MXRA5: variants seen among roughly 807,000 people sequenced by gnomAD.
MXRA5 encodes matrix-remodeling-associated protein 5.
In MXRA5, 41 loss-of-function variants were observed where a neutral mutation model predicts 112.5. The ratio of observed to expected loss-of-function variants is 0.36; its 90% confidence interval spans 0.28 to 0.47. MXRA5 has a LOEUF of 0.47. Ranked by LOEUF, MXRA5 falls within the 20% of genes least tolerant of loss-of-function variation. The pLI, the probability that MXRA5 is intolerant of heterozygous loss-of-function variation, is 0.99. For missense variants in MXRA5, 2,150 were observed against 2,251.0 expected, an observed-to-expected ratio of 0.96 and a Z score of 0.91; for synonymous variants, 862 against 900.8, an observed-to-expected ratio of 0.96 and a Z score of 0.77.
At chrX:3,340,560 C>T (rs1402726926) in intron 2 of MXRA5, among the ~76,000 whole-genome samples, 6 of 110,973 alleles carry the variant, frequency 5.4e-5, no homozygotes, top group Admixed American at 9.8e-5. Flanking sequence ...AGAAAACTAT[C>T]TCTAGATATT....
At chrX:3,311,729 A>C (rs1331057155) in intron 6 of MXRA5, 105 bp from the exon 7 acceptor site, 3 of 652,666 alleles carry the variant, frequency 4.6e-6, no homozygotes, top group African/African-American at 4.4e-5. Context: ...GTGATGCATC[A>C]GCTCAGGTGG....
intron 2 of MXRA5, among the ~76,000 whole-genome samples, chrX:3,341,016 T>C (rs1238754132): frequency 1.3e-5 from 1 of 78,353 alleles, no homozygotes; most frequent in Non-Finnish European, 2.4e-5. Context: ...ATATTATACA[T>C]GATATATATA....
At position 3,330,203 on chromosome X, in the gene MXRA5, G is replaced by A. The variant is rs780050697; in HGVS notation, c.524C>T (p.Thr175Ile). ...GGAGAGTCTGAAATAATCCAAAAAT[G>A]TGAACGTGGAGAAGGTGCTGGGGTG... ...QLHPSTFSTF[T>I]FLDYFRLSTI... Residue 175 changes from threonine to isoleucine, a missense_variant, in exon 4 of 7, where the codon ACA (threonine) becomes ATA (isoleucine). By Grantham distance (89) the Thr-to-Ile change is moderately conservative. Around this residue, in one of 6 missense-constraint regions of MXRA5, gnomAD observed 386 missense variants for 411.0 expected, o/e 0.94. Transcript: ENST00000217939. The A allele has an allele frequency of 8.3e-7, 1 of 1,208,033 alleles. No homozygotes were observed. The highest frequency in any genetic ancestry group is 1.8e-5 in the South Asian group (1 of 56,349).
chrX:3,321,519 C>G lies in MXRA5; in HGVS notation c.4166G>C (p.Gly1389Ala), dbSNP rs754739247. The G allele has an allele frequency of 9.1e-6, 11 of 1,208,265 alleles. No homozygotes were observed. The East Asian group carries it at 3.0e-4, about 33-fold the overall frequency. Reference sequence around the variant, plus strand: ...AACAGGTATGCCTGTCTGTAGCCTCCCAGGCTGGGCCGTCCTTGAGGGATT... The same window carrying G: ...AACAGGTATGCCTGTCTGTAGCCTCGCAGGCTGGGCCGTCCTTGAGGGATT... ...TWNPSRTAQP[G>A]RLQTGIPVTT... The change falls in exon 5 of 7, where the codon GGG becomes GCG. Residue 1389 changes from glycine (G) to alanine (A), a missense_variant. Transcript: ENST00000217939.
chrX:3,331,026 C>A (rs1234149334), intron 2 of MXRA5, among the ~76,000 whole-genome samples: 1 of 111,253 alleles, frequency 9.0e-6, no homozygotes, highest in Non-Finnish European at 1.9e-5. Context: ...CATCAGCCTC[C>A]CAAGTAGCTG....
Position 3,318,006 on chromosome X carries a change from G to A in MXRA5, c.5678-3C>T, listed in dbSNP as rs1432279448. On this transcript the variant is annotated splice_region_variant and splice_polypyrimidine_tract_variant and intron_variant, in intron 5 of 6. Transcript: ENST00000217939. ...GGTATTCGGAGTCATAAGAGCTCCT[G>A]GAGAAAATTAACACAGTCAGCTTTG... 4 of 1,180,733 alleles carry A rather than the reference G, an allele frequency of 3.4e-6. No individual in the cohort carries two copies. In the Admixed American group the frequency reaches 6.9e-5, roughly 20 times the overall value.
intron 4 of MXRA5, among the ~76,000 whole-genome samples, chrX:3,328,944 G>A (rs1356832896): frequency 9.9e-6 from 1 of 101,238 alleles, no homozygotes; most frequent in African/African-American, 3.6e-5. Context: ...GAAGGAGCGA[G>A]GGAGGGAAGG....
Position 3,324,353 on chromosome X carries a change from A to C in MXRA5, c.1332T>G (p.Arg444=). The C allele has an allele frequency of 8.3e-7, 1 of 1,211,267 alleles. No individual in the cohort carries two copies. Among genetic ancestry groups the C allele is most frequent in the Non-Finnish European group, 1.1e-6 (1 of 895,439 alleles). ...QPSIDIQLNR[R]QSTAKKVLLS... ...GTAGCACCTTCTTGGCCGTACTCTG[A>C]CGTCGGTTCAGCTGGATATCTATGG... The change falls in exon 5 of 7, where the codon CGT becomes CGG. Residue 444 remains arginine (R), a synonymous_variant. Transcript: ENST00000217939.
chrX:3,314,842 T>C, intron 6 of MXRA5, among the ~76,000 whole-genome samples: 1 of 110,116 alleles, frequency 9.1e-6, no homozygotes, highest in Non-Finnish European at 1.9e-5. Flanking sequence ...GAATAAAATC[T>C]CCTTGGTTGT....
intron 6 of MXRA5, among the ~76,000 whole-genome samples, chrX:3,316,010 GTTGAGTATTTGTT>G (rs1921107841): frequency 2.0e-5 from 1 of 50,482 alleles, no homozygotes; most frequent in African/African-American, 8.6e-5. Context: ...TTGTTAAGAA[GTTGAGTATTTGTT>G]CTGGATCCGA....
In MXRA5 at chrX:3,317,198, T is replaced by C. The variant is rs1377844355; in HGVS notation, c.6483A>G (p.Gly2161=). 1 of 1,210,616 alleles carries C rather than the reference T, an allele frequency of 8.3e-7. No homozygotes were observed. The highest frequency in any genetic ancestry group is 1.1e-6 in the Non-Finnish European group (1 of 895,145). ...CGCTGCAGTCCAGCTTGAGGGTTCC[T>C]CCGTACCTGACGTCCGTCCTCCGCG... The part of the protein sequence containing the change: ...TSPRRTDVRY[G]GTLKLDCSAS... Residue 2161 remains glycine (G), a synonymous_variant, in exon 6 of 7, where the codon GGA becomes GGG. Transcript: ENST00000217939.
intron 2 of MXRA5, among the ~76,000 whole-genome samples, chrX:3,336,021 A>G (rs1221644981): frequency 8.9e-6 from 1 of 112,330 alleles, no homozygotes; most frequent in African/African-American, 3.2e-5. Context: ...GCAAAGTTTC[A>G]TCTGTATTTA....
chrX:3,329,439 A>AGATGAAGGAAGG (rs1284242587), intron 4 of MXRA5, among the ~76,000 whole-genome samples: 59 of 109,495 alleles, frequency 5.4e-4, no homozygotes, highest in Admixed American at 8.7e-4. Flanking sequence ...GAAGGAAGGA[A>AGATGAAGGAAGG]GGAGGGAAGG....
At chrX:3,316,622 T>A (rs1361150754) in intron 6 of MXRA5, among the ~76,000 whole-genome samples, 1 of 107,268 alleles carries the variant, frequency 9.3e-6, no homozygotes, top group Non-Finnish European at 1.9e-5. Flanking sequence ...TGAGCTATGA[T>A]CGCACCACTG....
intron 6 of MXRA5, among the ~76,000 whole-genome samples, chrX:3,315,395 AGATAGATAGATAG>A (rs1921084427): frequency 1.6e-5 from 1 of 61,197 alleles, no homozygotes; most frequent in Non-Finnish European, 2.9e-5. Flanking sequence ...GATAGATGAT[AGATAGATAGATAG>A]ATAGATAGAT....
At chrX:3,316,315 AAAATAAATAAATAAATAAATAAAT>A (rs751358454) in intron 6 of MXRA5, among the ~76,000 whole-genome samples, 1 of 84,959 alleles carries the variant, frequency 1.2e-5, no homozygotes, top group African/African-American at 4.9e-5. Context: ...TTCCGTCTCA[AAAATAAATAAATAAATAAATAAAT>A]AAATAAATAA....
intron 2 of MXRA5, among the ~76,000 whole-genome samples, chrX:3,339,509 A>G (rs1487542459): frequency 2.7e-5 from 3 of 109,675 alleles, no homozygotes; most frequent in Non-Finnish European, 3.8e-5. Context: ...CTCGTGATCC[A>G]CCCGCCTCAG....
chrX:3,343,079 T>A (rs1447223797), intron 2 of MXRA5, among the ~76,000 whole-genome samples: 1 of 112,405 alleles, frequency 8.9e-6, no homozygotes, highest in East Asian at 2.8e-4. Context: ...ACAACCCTCG[T>A]GTGTATAAAA....
chrX:3,309,384 C>G lies in MXRA5; in HGVS notation c.*332G>C. On this transcript the variant is annotated 3_prime_UTR_variant, in exon 7 of 7. Coordinates refer to ENST00000217939, the MANE Select transcript of MXRA5 (RefSeq NM_015419.4). The stretch of plus-strand genomic sequence containing the variant: ...CTATGGCTTATTTTTGATGAATGTT[C>G]CTCAGATATCCTATGGACGCTTATG... 1 of 230,187 alleles carries G rather than the reference C, an allele frequency of 4.3e-6. No individual in the cohort carries two copies. Among genetic ancestry groups the G allele is most frequent in the Non-Finnish European group, 7.8e-6 (1 of 128,448 alleles). The allele number at this position is 230,187 out of a possible 1,213,427, so 19.0% of individuals were successfully genotyped here. A position where few individuals can be genotyped will look rare whatever the true frequency, so the allele number is the denominator to read the frequency against.
Sources: gnomAD v4.1 joint callset for allele counts (sites outside exome capture counted in the v4.1 genomes callset) on GRCh38, gnomAD v4.1.1 for gene constraint, gnomAD v4.1.1 regional missense constraint, MANE v1.5 for transcripts, NCBI Gene and HGNC (gene_info 2026-07-23, HGNC 2026-07-21) for gene names.